The following WAPL variants were observed in gnomAD, a reference collection of about 807,000 sequenced individuals.
The protein encoded by WAPL is wings apart-like protein homolog.
Under a neutral mutation model 121.0 loss-of-function variants are expected in WAPL, and 5 were observed. The ratio of observed to expected loss-of-function variants is 0.04; its 90% CI spans 0.02 to 0.09. The LOEUF (loss-of-function observed/expected upper bound fraction) is 0.09, where lower values mean the gene tolerates loss of function less well. Ranked by LOEUF, WAPL falls within the 10% of genes least tolerant of loss-of-function variation. The probability of loss-of-function intolerance (pLI) is 1.00; values close to 1 mark genes in which losing one functional copy is unlikely to be tolerated. For missense variants in WAPL, 999 were observed against 1,410.8 expected, an observed-to-expected ratio of 0.71 and a Z score of 4.68; for synonymous variants, 480 against 481.5, an observed-to-expected ratio of 1.00 and a Z score of 0.04.
chr10:86,447,097 C>T (rs1221781004), intron 15 of WAPL, among the ~76,000 whole-genome samples: 2 of 152,230 alleles, frequency 1.3e-5, no homozygotes, highest in African/African-American at 4.8e-5. Flanking sequence ...TACACTCATA[C>T]TACTACTAAG....
chr10:86,507,204 C>T (rs1007001888), intron 2 of WAPL, among the ~76,000 whole-genome samples: 42 of 151,302 alleles, frequency 2.8e-4, no homozygotes, highest in African/African-American at 8.5e-4. Context: ...CCCGTCTCTA[C>T]CAAAAATACA....
chr10:86,500,403 C>T lies in WAPL; in HGVS notation c.840G>A (p.Glu280=). Residue 280 remains glutamate (E), a synonymous_variant, in exon 3 of 19, where the codon GAG becomes GAA. Coordinates refer to ENST00000298767, the MANE Select transcript of WAPL (RefSeq NM_015045.5). ...TAAGAACACTTTGTACAATATCTTC[C>T]TCAATGGCTTCATTCAGATTTTCCA... ...NRLENLNEAI[E]EDIVQSVLRP... 2 of 1,614,232 alleles carry T rather than the reference C, an allele frequency of 1.2e-6. No individual in the cohort carries two copies. Among genetic ancestry groups the T allele is most frequent in the Non-Finnish European group, 1.7e-6 (2 of 1,180,036 alleles).
chr10:86,506,925 G>A (rs976026634), intron 2 of WAPL, among the ~76,000 whole-genome samples: 1 of 151,884 alleles, frequency 6.6e-6, no homozygotes, highest in African/African-American at 2.4e-5. Context: ...CTGATATGCT[G>A]ACTCTCCAGA....
chr10:86,499,816 C>T lies in WAPL; in HGVS notation c.1427G>A (p.Ser476Asn), dbSNP rs1301910741. The stretch of plus-strand genomic sequence containing the variant: ...TGGAGCTGTTTTAGTTCTTTTTTTG[C>T]TTGTCTTTCTTTCTACTTGACAGTC... Reference protein sequence around the residue: ...DDDCQVERKTSKKRTKTAPSP... With the variant: ...DDDCQVERKTNKKRTKTAPSP... The change falls in exon 3 of 19, where the codon AGC becomes AAC. Residue 476 changes from serine to asparagine, a missense_variant. Around this residue, in one of 7 missense-constraint regions of WAPL, gnomAD observed 531 missense variants for 563.1 expected, o/e 0.94. Coordinates refer to ENST00000298767, the MANE Select transcript of WAPL (RefSeq NM_015045.5). 3.1e-6 allele frequency: 5 copies of T among 1,612,680 alleles called. No individual in the cohort carries two copies. Among genetic ancestry groups the T allele is most frequent in the Middle Eastern group, 1.7e-4 (1 of 6,052 alleles).
In WAPL at chr10:86,467,380, C is replaced by G. The variant is rs1297797658; in HGVS notation, c.2269G>C (p.Ala757Pro). Reference sequence around the variant, plus strand: ...ATGTCTTTTTCATTCAGTAGCTTGGCTGATGAAGCATCTTGTTCCAGTTCC... The same window carrying G: ...ATGTCTTTTTCATTCAGTAGCTTGGGTGATGAAGCATCTTGTTCCAGTTCC... ...LLELEQDASS[A>P]KLLNEKDMNK... The change falls in exon 9 of 19, where the codon GCC becomes CCC. Residue 757 changes from alanine (A) to proline (P), a missense_variant. Ala to Pro is a conservative substitution (Grantham distance 27, BLOSUM62 -1). Coordinates refer to ENST00000298767, the MANE Select transcript of WAPL (RefSeq NM_015045.5). 1 of 1,614,038 alleles carries G rather than the reference C, an allele frequency of 6.2e-7. No homozygotes were observed.
chr10:86,493,274 C>A (rs995178083), intron 4 of WAPL, among the ~76,000 whole-genome samples: 3 of 151,858 alleles, frequency 2.0e-5, no homozygotes, highest in African/African-American at 4.8e-5. Flanking sequence ...AGGTATGAGA[C>A]CTTTTTCTTA....
chr10:86,438,231 G>T (rs1280295409), intron 17 of WAPL, among the ~76,000 whole-genome samples: 1 of 148,534 alleles, frequency 6.7e-6, no homozygotes, highest in Non-Finnish European at 1.5e-5. Flanking sequence ...AAGCTACAAA[G>T]AAATATTTGT....
intron 4 of WAPL, among the ~76,000 whole-genome samples, chr10:86,481,891 C>T (rs1217083746): frequency 1.3e-5 from 2 of 151,582 alleles, no homozygotes; most frequent in Non-Finnish European, 2.9e-5. Context: ...AACCCCAACA[C>T]TTAAAGCAAA....
chr10:86,521,634 C>A lies in WAPL; in HGVS notation c.-292G>T, dbSNP rs774938097. The A allele has an allele frequency of 1.3e-4, 61 of 460,888 alleles. No homozygotes were observed. Among genetic ancestry groups the A allele is most frequent in the South Asian group, 4.1e-4 (26 of 63,184 alleles). The allele number at this position is 460,888 out of a possible 1,614,324, so 28.5% of individuals were successfully genotyped here. ...GCCACTGCTGGAGCTGGTAACAGAGCCTGCTGTGTGCCCCCGCTGGGCCGC... is the reference window on the plus strand; with the variant it reads ...GCCACTGCTGGAGCTGGTAACAGAGACTGCTGTGTGCCCCCGCTGGGCCGC... On this transcript the variant is annotated 5_prime_UTR_variant, in exon 1 of 19. Coordinates refer to ENST00000298767, the MANE Select transcript of WAPL (RefSeq NM_015045.5).
chr10:86,438,378 C>G (rs556567813), intron 17 of WAPL, among the ~76,000 whole-genome samples: 1 of 152,080 alleles, frequency 6.6e-6, no homozygotes, highest in Non-Finnish European at 1.5e-5. Flanking sequence ...CTCAGCCTCC[C>G]GGGTAGCCGG....
At chr10:86,475,047 G>A (rs1175545063) in intron 4 of WAPL, among the ~76,000 whole-genome samples, 3 of 152,198 alleles carry the variant, frequency 2.0e-5, no homozygotes, top group Non-Finnish European at 4.4e-5. Context: ...GGACAAAGAT[G>A]TAAAGTCCCT....
At chr10:86,485,364 T>C (rs1379405046) in intron 4 of WAPL, among the ~76,000 whole-genome samples, 1 of 151,752 alleles carries the variant, frequency 6.6e-6, no homozygotes, top group Non-Finnish European at 1.5e-5. Context: ...TAAAACCCCG[T>C]CTCTACTAAA....
chr10:86,471,931 G>A (rs1038880754), intron 7 of WAPL, among the ~76,000 whole-genome samples: 17 of 147,754 alleles, frequency 1.2e-4, no homozygotes, highest in Admixed American at 3.5e-4. Flanking sequence ...CACCACACAA[G>A]GCAAAAAGAT....
intron 2 of WAPL, among the ~76,000 whole-genome samples, chr10:86,517,036 G>A (rs1393146225): frequency 6.6e-6 from 1 of 151,968 alleles, no homozygotes; most frequent in Non-Finnish European, 1.5e-5. Flanking sequence ...GGGCGACAGC[G>A]AGACTCCTTC....
At chr10:86,507,155 T>G (rs4934216) in intron 2 of WAPL, among the ~76,000 whole-genome samples, 145,402 of 151,356 alleles carry the variant, frequency 0.96, 69,980 homozygotes, top group East Asian at 1. Flanking sequence ...ATCACCTGAG[T>G]TCAGGAGTCC....
At chr10:86,508,759 T>TTC (rs1491196125) in intron 2 of WAPL, among the ~76,000 whole-genome samples, 5 of 1,278 alleles carry the variant, frequency 3.9e-3, no homozygotes, top group African/African-American at 0.028. Flanking sequence ...TTGAAAGTTC[T>TTC]TTTTTTTTTT....
chr10:86,463,603 TAA>T (rs1841335920), intron 9 of WAPL, among the ~76,000 whole-genome samples: 1 of 152,228 alleles, frequency 6.6e-6, no homozygotes, highest in South Asian at 2.1e-4. Flanking sequence ...TAAGTGTTAT[TAA>T]AAAAGAGTCA....
At chr10:86,451,145 T>C (rs1840968220) in intron 15 of WAPL, among the ~76,000 whole-genome samples, 1 of 152,116 alleles carries the variant, frequency 6.6e-6, no homozygotes, top group Non-Finnish European at 1.5e-5. Flanking sequence ...CTCACTATGT[T>C]GCCCAGGCTG....
At chr10:86,488,236 T>C (rs1841968554) in intron 4 of WAPL, among the ~76,000 whole-genome samples, 1 of 152,214 alleles carries the variant, frequency 6.6e-6, no homozygotes, top group South Asian at 2.1e-4. Context: ...TGAAACAGTA[T>C]ATGCATATTT....
Sources: allele counts gnomAD v4.1 joint callset (sites outside exome capture counted in the v4.1 genomes callset), GRCh38; gene constraint gnomAD v4.1.1; regional missense constraint gnomAD v4.1.1; transcripts MANE v1.5; gene names NCBI Gene and HGNC (gene_info 2026-07-23, HGNC 2026-07-21).